The following KIF26B variants were observed in gnomAD, a reference collection of about 807,000 sequenced individuals.
KIF26B encodes the protein kinesin-like protein KIF26B.
In KIF26B, 63 loss-of-function variants were observed where a neutral mutation model predicts 151.2. The ratio of observed to expected loss-of-function variants is 0.42; its 90% CI spans 0.34 to 0.51. The LOEUF is 0.51. Ranked by LOEUF, KIF26B falls within the 20% of genes least tolerant of loss-of-function variation. KIF26B has a pLI of 0.07. For missense variants in KIF26B, 2,813 were observed against 2,913.6 expected, an observed-to-expected ratio of 0.97 and a Z score of 0.79; for synonymous variants, 1,357 against 1,262.1, an observed-to-expected ratio of 1.08 and a Z score of -1.59.
chr1:245,243,424 A>G (rs999935052), intron 2 of KIF26B, among the ~76,000 whole-genome samples: 3 of 102,890 alleles, frequency 2.9e-5, no homozygotes, highest in African/African-American at 1.0e-4. Context: ...TGGATTCTAT[A>G]TATATACATA....
intron 2 of KIF26B, among the ~76,000 whole-genome samples, chr1:245,266,555 C>CT (rs376296393): frequency 3.3e-5 from 5 of 151,716 alleles, no homozygotes; most frequent in African/African-American, 1.2e-4. Context: ...GTCACCCACG[C>CT]GGAGTGCAGT....
chr1:245,369,671 C>A (rs1007698304), intron 3 of KIF26B, among the ~76,000 whole-genome samples: 1 of 152,234 alleles, frequency 6.6e-6, no homozygotes, highest in Admixed American at 6.5e-5. Context: ...GTGGCAGAAC[C>A]AGCACCAGCT....
At chr1:245,403,992 T>C (rs892495687) in intron 3 of KIF26B, among the ~76,000 whole-genome samples, 4 of 152,154 alleles carry the variant, frequency 2.6e-5, no homozygotes, top group African/African-American at 9.7e-5. Flanking sequence ...GCCTGATTGA[T>C]TCCAGACTCT....
At chr1:245,282,662 G>C (rs74153169) in intron 2 of KIF26B, among the ~76,000 whole-genome samples, 2 of 152,054 alleles carry the variant, frequency 1.3e-5, no homozygotes, top group Non-Finnish European at 2.9e-5. Context: ...ATCAGACATC[G>C]CCTCCTCCAG....
In KIF26B at chr1:245,512,227, G is replaced by C. The variant is rs1660853335; in HGVS notation, c.1167-28540G>C. On this transcript the variant is annotated intron_variant, in intron 4 of 14. Coordinates refer to ENST00000407071, the MANE Select transcript of KIF26B (RefSeq NM_018012.4). The surrounding 1 kb of genome is among the most constrained non-coding windows in gnomAD (Gnocchi z 4.3). Reference sequence around the variant, plus strand: ...TTCTGAGCTATCATTGCCTTTCTCTGTCTATCACATTCATACCTCAGGCAG... The same window carrying C: ...TTCTGAGCTATCATTGCCTTTCTCTCTCTATCACATTCATACCTCAGGCAG... Among the ~76,000 whole-genome samples, 1 of 152,124 alleles carries C rather than the reference G, an allele frequency of 6.6e-6. No individual in the cohort carries two copies. Among genetic ancestry groups the C allele is most frequent in the South Asian group, 2.1e-4 (1 of 4,820 alleles).
intron 9 of KIF26B, among the ~76,000 whole-genome samples, chr1:245,613,854 T>C (rs2103156192): frequency 6.6e-6 from 1 of 152,328 alleles, no homozygotes; most frequent in East Asian, 1.9e-4. Flanking sequence ...ATCACTTTGA[T>C]GTGTCTTTAG....
intron 2 of KIF26B, among the ~76,000 whole-genome samples, chr1:245,159,145 G>T (rs1006424780): frequency 6.6e-6 from 1 of 152,182 alleles, no homozygotes; most frequent in Non-Finnish European, 1.5e-5. Context: ...GCTCTGAAGA[G>T]TAAGAGTCTG....
chr1:245,292,955 T>G (rs1671280243), intron 2 of KIF26B, among the ~76,000 whole-genome samples: 1 of 152,188 alleles, frequency 6.6e-6, no homozygotes, highest in South Asian at 2.1e-4. Context: ...ATTCAGAGTT[T>G]TCTTCAAAGC....
At chr1:245,350,925 TG>T (rs2103000428) in intron 2 of KIF26B, among the ~76,000 whole-genome samples, 1 of 152,348 alleles carries the variant, frequency 6.6e-6, no homozygotes, top group Admixed American at 6.5e-5. Flanking sequence ...TCAAATGATG[TG>T]GGACTCTGTT....
intron 4 of KIF26B, among the ~76,000 whole-genome samples, chr1:245,460,582 A>G (rs1454462696): frequency 1.3e-5 from 2 of 152,220 alleles, no homozygotes; most frequent in East Asian, 1.9e-4. Context: ...AAAAAGAAAG[A>G]TTTCAGAGAT....
chr1:245,182,689 GC>G (rs1668928546), intron 2 of KIF26B, among the ~76,000 whole-genome samples: 1 of 152,096 alleles, frequency 6.6e-6, no homozygotes. Context: ...AGGCTGGAGT[GC>G]AGTGGCGCCA....
intron 4 of KIF26B, among the ~76,000 whole-genome samples, chr1:245,429,807 G>A (rs1658735897): frequency 6.6e-6 from 1 of 152,128 alleles, no homozygotes. Context: ...TAGAGATGGG[G>A]TTTTGCCATG....
intron 10 of KIF26B, among the ~76,000 whole-genome samples, chr1:245,678,733 C>G (rs540834939): frequency 2.6e-5 from 4 of 152,020 alleles, no homozygotes; most frequent in South Asian, 2.1e-4. Flanking sequence ...CGTGGTGGTG[C>G]ATGCCTGTAG....
intron 4 of KIF26B, among the ~76,000 whole-genome samples, chr1:245,472,418 G>T (rs778580096): frequency 2.0e-5 from 3 of 152,166 alleles, no homozygotes; most frequent in African/African-American, 7.2e-5. Flanking sequence ...GAAACCAGAG[G>T]TGTCTTGGAT....
rs555167293 is a variant in KIF26B, at chr1:245,687,280, A to C, written c.4297A>C (p.Lys1433Gln). Reference sequence around the variant, plus strand: ...GGAGAGTAAGGAAAACAGTGCAAAGAAAGAGATGAAATTTGAGGACCCGTG... The same window carrying C: ...GGAGAGTAAGGAAAACAGTGCAAAGCAAGAGATGAAATTTGAGGACCCGTG... The part of the protein sequence containing the change: ...SRESKENSAK[K>Q]EMKFEDPWLK... The change falls in exon 12 of 15, where the codon AAA becomes CAA. Residue 1433 changes from lysine to glutamine, a missense_variant. Lys to Gln is a moderately conservative substitution (Grantham distance 53). Coordinates refer to ENST00000407071, the MANE Select transcript of KIF26B (RefSeq NM_018012.4). This position sits in a 1 kb window ranked among gnomAD's most constrained non-coding sequence, Gnocchi z 4.9. 7 of 1,610,308 alleles carry C rather than the reference A, an allele frequency of 4.3e-6. No homozygotes were observed. The African/African-American group carries it at 8.0e-5, about 18-fold the overall frequency.
chr1:245,290,036 C>A (rs1671230031), intron 2 of KIF26B, among the ~76,000 whole-genome samples: 1 of 152,210 alleles, frequency 6.6e-6, no homozygotes, highest in Non-Finnish European at 1.5e-5. Context: ...CTTAGCACTT[C>A]ATCCACTTTA....
At chr1:245,412,140 C>T (rs185661851) in intron 3 of KIF26B, among the ~76,000 whole-genome samples, 1 of 152,288 alleles carries the variant, frequency 6.6e-6, no homozygotes, top group Non-Finnish European at 1.5e-5. Context: ...TGTGGATGGT[C>T]TTTTCCAAGA....
At chr1:245,407,963 C>T (rs112754238) in intron 3 of KIF26B, among the ~76,000 whole-genome samples, 2,224 of 151,376 alleles carry the variant, frequency 0.015, 56 homozygotes, top group African/African-American at 0.051. Context: ...TCATTCAGTG[C>T]GGGGAACAAG....
intron 2 of KIF26B, among the ~76,000 whole-genome samples, chr1:245,349,611 T>G (rs1030967060): frequency 6.7e-6 from 1 of 148,370 alleles, no homozygotes; most frequent in Non-Finnish European, 1.5e-5. Context: ...ATTAACTGCC[T>G]CGGGTTTAAA....
Sources: gnomAD v4.1 joint callset for allele counts (sites outside exome capture counted in the v4.1 genomes callset) on GRCh38, gnomAD v4.1.1 for gene constraint, Gnocchi (gnomAD v3.1) non-coding constraint, MANE v1.5 for transcripts, NCBI Gene and HGNC (gene_info 2026-07-23, HGNC 2026-07-21) for gene names.